Variants in CYP2U1 observed in about 807,000 individuals in gnomAD.
The protein encoded by CYP2U1 is cytochrome P450 2U1.
CYP2U1 carries 28 observed loss-of-function variants against 42.8 expected under a neutral mutation model. The ratio of observed to expected loss-of-function variants is 0.65; its 90% CI spans 0.48 to 0.90. The LOEUF (loss-of-function observed/expected upper bound fraction) is 0.90, where lower values mean the gene tolerates loss of function less well. Among genes scored for constraint, CYP2U1 ranks in the 40% least tolerant of loss-of-function variants. CYP2U1 has a pLI of 0.00. For synonymous variants in CYP2U1, 296 were observed against 278.9 expected (o/e 1.06, Z -0.61); for missense variants, 642 against 693.8 (o/e 0.93, Z 0.84).
intron 1 of CYP2U1, among the ~76,000 whole-genome samples, chr4:107,935,101 T>C (rs1318467354): frequency 6.6e-6 from 1 of 152,230 alleles, no homozygotes; most frequent in Non-Finnish European, 1.5e-5. Flanking sequence ...TATTGTAATT[T>C]GTTTTGTGTG....
chr4:107,932,293 C>G, intron 1 of CYP2U1, 160 bp downstream of exon 1: 1 of 824,348 alleles, frequency 1.2e-6, no homozygotes, highest in Non-Finnish European at 1.5e-6. Context: ...CGGCGCTTCT[C>G]CTTTCTGATG....
At chr4:107,943,885 G>A (rs1217232612) in intron 1 of CYP2U1, among the ~76,000 whole-genome samples, 1 of 152,186 alleles carries the variant, frequency 6.6e-6, no homozygotes, top group Admixed American at 6.5e-5. Context: ...AGTAAACAAG[G>A]AATATTTGAG....
Position 107,950,477 on chromosome 4 carries a change from A to C in CYP2U1, c.*54A>C. 6.6e-7 allele frequency: 1 copy of C among 1,512,920 alleles called. No individual in the cohort carries two copies. Among genetic ancestry groups the C allele is most frequent in the Non-Finnish European group, 8.8e-7 (1 of 1,131,372 alleles). The allele number at this position is 1,512,920 out of a possible 1,614,324, so 93.7% of individuals were successfully genotyped here. A position where few individuals can be genotyped will look rare whatever the true frequency, so the allele number is the denominator to read the frequency against. The stretch of plus-strand genomic sequence containing the variant: ...AGATATATAAATACATATCCTTCTA[A>C]GCAGATTCTTCCTACTGCAAAGGAC... On this transcript the variant is annotated 3_prime_UTR_variant, in exon 5 of 5. Transcript: ENST00000332884.
In CYP2U1 at chr4:107,931,585, G is replaced by T; in HGVS notation, c.-59G>T. 8.2e-7 allele frequency: 1 copy of T among 1,226,286 alleles called. No homozygotes were observed. 76.0% of individuals were successfully genotyped at this position (1,226,286 alleles called of 1,614,324 possible). On this transcript the variant is annotated 5_prime_UTR_variant, in exon 1 of 5. Coordinates refer to ENST00000332884, the MANE Select transcript of CYP2U1 (RefSeq NM_183075.3). ...GGACACTGGCGCCGCGGGTCAGGCA[G>T]CTGCGTGCGCGTCTCCTCCAGGCAG...
In CYP2U1 at chr4:107,947,402, G is replaced by A. The variant is rs777911110; in HGVS notation, c.1153G>A (p.Val385Ile). The A allele has an allele frequency of 1.2e-6, 2 of 1,614,100 alleles. No individual in the cohort carries two copies. Among genetic ancestry groups the A allele is most frequent in the South Asian group, 2.2e-5 (2 of 91,080 alleles). The change falls in exon 3 of 5, where the codon GTC (valine) becomes ATC (isoleucine). Residue 385 changes from valine to isoleucine, a missense_variant. Physicochemically the swap from Val to Ile is conservative, Grantham distance 29. Transcript: ENST00000332884. Reference sequence around the variant, plus strand: ...AAAGGTTCATGAAGAAATTGAAAGAGTCATTGGCGCCAACCGAGCTCCTTC... The same window carrying A: ...AAAGGTTCATGAAGAAATTGAAAGAATCATTGGCGCCAACCGAGCTCCTTC... Reference protein sequence around the residue: ...QEKVHEEIERVIGANRAPSLT... With the variant: ...QEKVHEEIERIIGANRAPSLT...
chr4:107,935,817 C>G (rs1221293960), intron 1 of CYP2U1: 1 of 151,982 alleles, frequency 6.6e-6, no homozygotes, highest in Non-Finnish European at 1.5e-5. Context: ...TGCCCAGTAG[C>G]AAAGGAGTAA....
At chr4:107,943,998 CAT>C (rs1220804308) in intron 1 of CYP2U1, among the ~76,000 whole-genome samples, 6 of 152,276 alleles carry the variant, frequency 3.9e-5, no homozygotes, top group Admixed American at 3.3e-4. Context: ...TTAACAAGTT[CAT>C]ATGTTTTAAA....
In CYP2U1 at chr4:107,947,406, T is replaced by C. The variant is rs375420146; in HGVS notation, c.1157T>C (p.Ile386Thr). The C allele has an allele frequency of 8.1e-6, 13 of 1,614,016 alleles. No homozygotes were observed. The African/African-American group carries it at 1.1e-4, about 13-fold the overall frequency. The part of the protein sequence containing the change: ...EKVHEEIERV[I>T]GANRAPSLTD... ...GTTCATGAAGAAATTGAAAGAGTCA[T>C]TGGCGCCAACCGAGCTCCTTCCCTC... Residue 386 changes from isoleucine to threonine, a missense_variant, in exon 3 of 5, where the codon ATT (isoleucine) becomes ACT (threonine). Coordinates refer to ENST00000332884, the MANE Select transcript of CYP2U1 (RefSeq NM_183075.3).
In CYP2U1 at chr4:107,951,217, C is replaced by A. The variant is rs745993101; in HGVS notation, c.*794C>A. 2 of 152,158 alleles carry A rather than the reference C, an allele frequency of 1.3e-5. No individual in the cohort carries two copies. The highest frequency in any genetic ancestry group is 2.9e-5 in the Non-Finnish European group (2 of 68,026). The allele number at this position is 152,158 out of a possible 1,614,324, so 9.4% of individuals were successfully genotyped here. A position where few individuals can be genotyped will look rare whatever the true frequency, so the allele number is the denominator to read the frequency against. On this transcript the variant is annotated 3_prime_UTR_variant, in exon 5 of 5. Coordinates refer to ENST00000332884, the MANE Select transcript of CYP2U1 (RefSeq NM_183075.3). ...GTGAGCCTTGCTACTTCTTTAGTAG[C>A]TTCTTGGCAGAATTCCTTTCTACTG...
Position 107,931,869 on chromosome 4 carries a change from C to G in CYP2U1, c.226C>G (p.Leu76Val). The change falls in exon 1 of 5, where the codon CTG (leucine) becomes GTG (valine). Residue 76 changes from leucine (L) to valine (V), a missense_variant. Leu to Val is a conservative substitution (Grantham distance 32, BLOSUM62 1). Transcript: ENST00000332884. ...TCTGGTGGGCAACTTCGGTCACGTG[C>G]TGCTGCCTCCCTTCCTCCGGCGGCG... ...WPLVGNFGHV[L>V]LPPFLRRRSW... 6.5e-7 allele frequency: 1 copy of G among 1,547,484 alleles called. No individual in the cohort carries two copies. The highest frequency in any genetic ancestry group is 8.7e-7 in the Non-Finnish European group (1 of 1,145,192).
chr4:107,933,528 A>T (rs1733129055), intron 1 of CYP2U1, among the ~76,000 whole-genome samples: 1 of 152,152 alleles, frequency 6.6e-6, no homozygotes, highest in African/African-American at 2.4e-5. Flanking sequence ...ACTCATTTAA[A>T]ATCCTTAGAT....
rs779164469 is a variant in CYP2U1 at position 107,945,035 on chromosome 4, C to T, written c.556C>T (p.Arg186Cys). ...QQRKFSHSTL[R>C]HFGLGKLSLE... is the part of the protein sequence containing the mutation. ...AAGGAAGTTCTCTCATTCAACTCTT[C>T]GTCATTTTGGGTTGGGAAAACTTAG... Residue 186 changes from arginine (R) to cysteine (C), a missense_variant, in exon 2 of 5, where the codon CGT becomes TGT. By Grantham distance (180) the Arg-to-Cys change is radical. Transcript: ENST00000332884. 14 of 1,613,370 alleles carry T rather than the reference C, an allele frequency of 8.7e-6. No individual in the cohort carries two copies. Among genetic ancestry groups the T allele is most frequent in the East Asian group, 2.2e-5 (1 of 44,814 alleles).
rs78790811 is a variant in CYP2U1 at position 107,933,647 on chromosome 4, C to G, written c.490+1514C>G. Among the ~76,000 whole-genome samples the G allele has an allele frequency of 6.6e-3, 999 of 152,250 alleles. 4 individuals are homozygous for G. The highest frequency in any genetic ancestry group is 9.5e-3 in the Non-Finnish European group (647 of 67,996). On this transcript the variant is annotated intron_variant, in intron 1 of 4. Transcript: ENST00000332884. ...CTCCTTATCTGTAGGGGATTCCTTC[C>G]AGGACCTCCTGCGAATAACAAAACC...
At position 107,931,812 on chromosome 4, in the gene CYP2U1, CG is replaced by C. The variant is rs920319565; in HGVS notation, c.173del (p.Gly58AlafsTer30). ...GAGCTGGCTGCGGAGGCGCCGGGCG[CG>C]GGGCATCCCGCCCGGGCCCACGCCC... Reference protein sequence around the residue: ...GWSWLRRRRARGIPPGPTPWP... With the variant: ...GWSWLRRRRAXGIPPGPTPWP... On this transcript the variant is annotated frameshift_variant, in exon 1 of 5. Transcript: ENST00000332884. LOFTEE classifies it high-confidence loss of function. 1 of 1,519,664 alleles carries C rather than the reference CG, an allele frequency of 6.6e-7. No homozygotes were observed. The highest frequency in any genetic ancestry group is 1.4e-5 in the African/African-American group (1 of 72,008). The allele number at this position is 1,519,664 out of a possible 1,614,324, so 94.1% of individuals were successfully genotyped here. A position where few individuals can be genotyped will look rare whatever the true frequency, so the allele number is the denominator to read the frequency against.
chr4:107,949,510 T>G lies in CYP2U1; in HGVS notation c.1449T>G (p.Phe483Leu). 1 of 1,568,410 alleles carries G rather than the reference T, an allele frequency of 6.4e-7. No homozygotes were observed. The highest frequency in any genetic ancestry group is 8.6e-7 in the Non-Finnish European group (1 of 1,156,300). ...QLIKKETFIP[F>L]GIGKRVCMGE... Reference sequence around the variant, plus strand: ...TTAAAAAAGAAACCTTTATTCCTTTTGGGATAGGTCAGTTACACTTTTTTA... The same window carrying G: ...TTAAAAAAGAAACCTTTATTCCTTTGGGGATAGGTCAGTTACACTTTTTTA... Residue 483 changes from phenylalanine (F) to leucine (L), a missense_variant, in exon 4 of 5, where the codon TTT becomes TTG. Physicochemically the swap from Phe to Leu is conservative, Grantham distance 22. Transcript: ENST00000332884.
intron 1 of CYP2U1, among the ~76,000 whole-genome samples, chr4:107,944,294 T>A (rs1474075382): frequency 6.6e-6 from 1 of 152,034 alleles, no homozygotes; most frequent in Non-Finnish European, 1.5e-5. Flanking sequence ...GCCTGAATTA[T>A]TTTTCTGTCT....
chr4:107,950,640 G>T lies in CYP2U1; in HGVS notation c.*217G>T. 2.4e-6 allele frequency: 1 copy of T among 414,306 alleles called. No homozygotes were observed. Among genetic ancestry groups the T allele is most frequent in the Non-Finnish European group, 4.2e-6 (1 of 237,900 alleles). The allele number at this position is 414,306 out of a possible 1,614,324, so 25.7% of individuals were successfully genotyped here. ...TTAGTAATGCAGGTCTGTGATTTGG[G>T]GGATAGAAAACAAAGTACCTATGAA... On this transcript the variant is annotated 3_prime_UTR_variant, in exon 5 of 5. Transcript: ENST00000332884.
chr4:107,935,589 T>C (rs1410741804), intron 1 of CYP2U1: 1 of 152,188 alleles, frequency 6.6e-6, no homozygotes, highest in Non-Finnish European at 1.5e-5. Context: ...AGGATTTTTT[T>C]AATAGAACTT....
In CYP2U1 at chr4:107,949,413, G is replaced by C. The variant is rs1578734926; in HGVS notation, c.1352G>C (p.Arg451Thr). ...TTACCCAACCTGTGGTCAGTACATA[G>C]AGACCCAGCCATTTGGGAGAAACCG... ...LILPNLWSVH[R>T]DPAIWEKPED... The change falls in exon 4 of 5, where the codon AGA (arginine) becomes ACA (threonine). Residue 451 changes from arginine (R) to threonine (T), a missense_variant. Coordinates refer to ENST00000332884, the MANE Select transcript of CYP2U1 (RefSeq NM_183075.3). The C allele has an allele frequency of 6.2e-7, 1 of 1,611,166 alleles. No homozygotes were observed. Among genetic ancestry groups the C allele is most frequent in the Non-Finnish European group, 8.5e-7 (1 of 1,178,378 alleles).
Sources: allele counts gnomAD v4.1 joint callset (sites outside exome capture counted in the v4.1 genomes callset), GRCh38; gene constraint gnomAD v4.1.1; transcripts MANE v1.5; gene names NCBI Gene and HGNC (gene_info 2026-07-23, HGNC 2026-07-21).